Variants in PTPRT observed in about 807,000 individuals in gnomAD.
PTPRT encodes the protein receptor-type tyrosine-protein phosphatase T.
Under a neutral mutation model 176.8 loss-of-function variants are expected in PTPRT, and 56 were observed. That is an observed-to-expected ratio of 0.32 (90% CI 0.26 to 0.40). The LOEUF (loss-of-function observed/expected upper bound fraction) is 0.40, where lower values mean the gene tolerates loss of function less well. Among genes scored for constraint, PTPRT ranks in the 10% least tolerant of loss-of-function variants. PTPRT has a pLI of 1.00. For missense variants in PTPRT, 1,540 were observed against 1,908.2 expected, an observed-to-expected ratio of 0.81 and a Z score of 3.60; for synonymous variants, 783 against 739.0, an observed-to-expected ratio of 1.06 and a Z score of -0.96.
At chr20:42,573,749 C>CTTTTTT (rs150938657) in intron 7 of PTPRT, among the ~76,000 whole-genome samples, 9 of 112,580 alleles carry the variant, frequency 8.0e-5, no homozygotes, top group East Asian at 2.8e-4. Context: ...TTCTTTCTTT[C>CTTTTTT]TTTTTTTTTT....
At chr20:42,445,162 C>T (rs1406404989) in intron 9 of PTPRT, among the ~76,000 whole-genome samples, 1 of 152,154 alleles carries the variant, frequency 6.6e-6, no homozygotes, top group Non-Finnish European at 1.5e-5. Flanking sequence ...GACATCTGTA[C>T]CTGCATTTAG....
chr20:42,832,519 AT>A (rs1332725210), intron 2 of PTPRT, among the ~76,000 whole-genome samples: 2 of 152,128 alleles, frequency 1.3e-5, no homozygotes, highest in East Asian at 1.9e-4. Flanking sequence ...AAAAAAAGAC[AT>A]TTTGAAGAGC....
chr20:42,904,634 C>G (rs143389531), intron 1 of PTPRT, among the ~76,000 whole-genome samples: 19 of 152,174 alleles, frequency 1.2e-4, no homozygotes, highest in South Asian at 1.0e-3. Flanking sequence ...AGGGCTCCAC[C>G]CCATGGACCT....
intron 29 of PTPRT, among the ~76,000 whole-genome samples, chr20:42,084,401 C>A (rs1276893736): frequency 1.3e-5 from 2 of 152,338 alleles, no homozygotes; most frequent in African/African-American, 4.8e-5. Flanking sequence ...TCCCTTTAAG[C>A]CCATTGTAGA....
chr20:42,478,313 G>A (rs2071326286), intron 7 of PTPRT, among the ~76,000 whole-genome samples: 1 of 152,158 alleles, frequency 6.6e-6, no homozygotes, highest in Non-Finnish European at 1.5e-5. Context: ...ATGTGTGACT[G>A]ACCCACTCAG....
At chr20:42,641,466 C>T (rs752320139) in intron 7 of PTPRT, among the ~76,000 whole-genome samples, 44 of 152,224 alleles carry the variant, frequency 2.9e-4, no homozygotes, top group Non-Finnish European at 5.0e-4. Context: ...CTCGCTCCCT[C>T]GCCTGAAAAT....
At chr20:42,940,942 T>C (rs1257740852) in intron 1 of PTPRT, among the ~76,000 whole-genome samples, 1 of 151,416 alleles carries the variant, frequency 6.6e-6, no homozygotes. Context: ...ATTAGCAGGA[T>C]ATGGTGGCGC....
intron 13 of PTPRT, 90 bp downstream of exon 13, chr20:42,282,399 A>C: frequency 7.7e-7 from 1 of 1,293,642 alleles, no homozygotes; most frequent in Non-Finnish European, 1.1e-6. Flanking sequence ...GTTTTGAGTT[A>C]CTGTTGCCTA....
chr20:42,726,060 A>T (rs1235115073), intron 6 of PTPRT, among the ~76,000 whole-genome samples: 2 of 66,506 alleles, frequency 3.0e-5, no homozygotes, highest in Non-Finnish European at 6.8e-5. Flanking sequence ...GGGCATCTTT[A>T]TTATTATTAT....
At chr20:42,062,539 A>G in the PTPRT span, among the ~76,000 whole-genome samples, 3 of 152,186 alleles carry the variant, frequency 2.0e-5, no homozygotes, top group African/African-American at 4.8e-5. Flanking sequence ...TTGGAGCCAT[A>G]ATGACAGTAT....
chr20:43,144,348 T>G (rs1163793536), intron 1 of PTPRT, among the ~76,000 whole-genome samples: 1 of 152,178 alleles, frequency 6.6e-6, no homozygotes, highest in Admixed American at 6.5e-5. Context: ...GCACCATCCT[T>G]GATCTCTCTT....
intron 7 of PTPRT, among the ~76,000 whole-genome samples, chr20:42,546,513 C>T (rs1002547780): frequency 6.6e-6 from 1 of 151,918 alleles, no homozygotes; most frequent in Non-Finnish European, 1.5e-5. Flanking sequence ...GAAAGAAATA[C>T]GGAGTCCTTC....
rs1040063523 is a variant in PTPRT at position 42,217,677 on chromosome 20, C to T, written c.2343-18289G>A. ...GTATGTGTTGGGGAGTTACCTAGTG[C>T]ACTGCGGGATGCTTAGTAGCATCCT... is the stretch of plus-strand genomic sequence containing the variant. On this transcript the variant is annotated intron_variant, in intron 15 of 30. Coordinates refer to ENST00000373187, the MANE Select transcript of PTPRT (RefSeq NM_007050.6). Among the ~76,000 whole-genome samples, 3 of 152,172 alleles carry T rather than the reference C, an allele frequency of 2.0e-5. No individual in the cohort carries two copies. In the South Asian group the frequency reaches 6.2e-4, roughly 32 times the overall value.
At chr20:42,690,422 G>GAGAGGC (rs1216748901) in intron 6 of PTPRT, among the ~76,000 whole-genome samples, 18 of 152,214 alleles carry the variant, frequency 1.2e-4, no homozygotes, top group African/African-American at 3.4e-4. Flanking sequence ...CACGGGGCTG[G>GAGAGGC]AGAGGCAGAG....
rs144520352 is a variant in PTPRT, at chr20:42,868,695, G to C, written c.214+17112C>G. On this transcript the variant is annotated intron_variant, in intron 2 of 30. Transcript: ENST00000373187. ...ATGCCTGATAGGGTTATTAGTATGGGTGTAAGGAAGCCAGATGCTATTTAT... is the reference window on the plus strand; with the variant it reads ...ATGCCTGATAGGGTTATTAGTATGGCTGTAAGGAAGCCAGATGCTATTTAT... Among the ~76,000 whole-genome samples the C allele has an allele frequency of 7.1e-4, 108 of 152,290 alleles. 1 individual carries two copies. In the East Asian group the frequency reaches 0.016, roughly 23 times the overall value.
chr20:42,954,482 C>T (rs888899502), intron 1 of PTPRT, among the ~76,000 whole-genome samples: 2 of 152,172 alleles, frequency 1.3e-5, no homozygotes, highest in African/African-American at 4.8e-5. Flanking sequence ...CCTGACGATA[C>T]ATGCAACAGT....
chr20:42,155,406 A>T (rs1012130028), intron 17 of PTPRT, among the ~76,000 whole-genome samples: 1 of 152,160 alleles, frequency 6.6e-6, no homozygotes, highest in Non-Finnish European at 1.5e-5. Context: ...GTGAGGTCCC[A>T]TGCGACCATC....
chr20:43,008,916 C>A (rs1435988319), intron 1 of PTPRT, among the ~76,000 whole-genome samples: 6 of 152,266 alleles, frequency 3.9e-5, no homozygotes, highest in African/African-American at 1.4e-4. Context: ...ATTAAGCTAC[C>A]TTGGTCACTC....
At chr20:42,336,707 C>CAA (rs11481195) in intron 11 of PTPRT, among the ~76,000 whole-genome samples, 3 of 151,198 alleles carry the variant, frequency 2.0e-5, no homozygotes, top group African/African-American at 7.3e-5. Context: ...TTATTTATAA[C>CAA]AAAAAAAACT....
Sources: gnomAD v4.1 joint callset for allele counts (sites outside exome capture counted in the v4.1 genomes callset) on GRCh38, gnomAD v4.1.1 for gene constraint, MANE v1.5 for transcripts, NCBI Gene and HGNC (gene_info 2026-07-23, HGNC 2026-07-21) for gene names.